The following NFATC4 variants were observed in gnomAD, a reference collection of about 807,000 sequenced individuals.
NFATC4 encodes nuclear factor of activated T cells 4, also known as nuclear factor of activated T-cells, cytoplasmic 4.
In NFATC4, 25 loss-of-function variants were observed where a neutral mutation model predicts 73.4. The ratio of observed to expected loss-of-function variants is 0.34; its 90% CI spans 0.25 to 0.48. The LOEUF is 0.48. Ranked by LOEUF, NFATC4 falls within the 20% of genes least tolerant of loss-of-function variation. NFATC4 has a pLI of 0.99. For missense variants in NFATC4, 1,130 were observed against 1,203.7 expected (o/e 0.94, Z 0.91); for synonymous variants, 523 against 510.3 (o/e 1.02, Z -0.34).
chr14:24,369,701 T>A lies in NFATC4; in HGVS notation c.303T>A (p.Gly101=). The part of the protein sequence containing the change: ...RSVRLGGPGG[G]AGGAGGGRVL... ...TGAGGCTGGGAGGACCAGGAGGGGG[T>A]GCTGGGGGTGCTGGGGGTGGCCGTG... Residue 101 remains glycine (G), a synonymous_variant, in exon 2 of 10, where the codon GGT becomes GGA. Coordinates refer to ENST00000250373, the MANE Select transcript of NFATC4 (RefSeq NM_004554.5). 1 of 1,609,066 alleles carries A rather than the reference T, an allele frequency of 6.2e-7. No individual in the cohort carries two copies.
chr14:24,372,794 C>A, intron 3 of NFATC4, 191 bp downstream of exon 3: 4 of 679,806 alleles, frequency 5.9e-6, no homozygotes, highest in Non-Finnish European at 9.9e-6. Flanking sequence ...TGTCCTTCCA[C>A]CCCCACTCAG....
At chr14:24,367,900 TG>T, upstream of NFATC4, 1 of 1,313,744 alleles carries the variant, frequency 7.6e-7, no homozygotes, top group Non-Finnish European at 9.7e-7. Flanking sequence ...CTAGGGGAGG[TG>T]GGGGCTGGGC....
upstream of NFATC4, chr14:24,367,450 C>T: frequency 6.5e-7 from 1 of 1,535,722 alleles, no homozygotes; most frequent in Middle Eastern, 1.8e-4. Context: ...ACAAGGGCAG[C>T]GGCAAAGCCT....
rs1175032155 is a variant in NFATC4 at position 24,376,735 on chromosome 14, A to G, written c.2498A>G (p.His833Arg). Reference protein sequence around the residue: ...EGPFPSQSDVHPLPAEGYNKV... With the variant: ...EGPFPSQSDVRPLPAEGYNKV... ...CCCTTCCCTTCCCAGAGTGATGTGC[A>G]TCCCCTACCTGCTGAGGGATACAAT... Residue 833 changes from histidine to arginine, a missense_variant, in exon 9 of 10, where the codon CAT (histidine) becomes CGT (arginine). His to Arg is a conservative substitution (Grantham distance 29). Coordinates refer to ENST00000250373, the MANE Select transcript of NFATC4 (RefSeq NM_004554.5). This position sits in a 1 kb window ranked among gnomAD's most constrained non-coding sequence, Gnocchi z 5.0. 1.2e-6 allele frequency: 2 copies of G among 1,613,738 alleles called. No individual in the cohort carries two copies. The highest frequency in any genetic ancestry group is 1.7e-6 in the Non-Finnish European group (2 of 1,179,966).
At position 24,369,791 on chromosome 14, in the gene NFATC4, G is replaced by C. The variant is rs1242397135; in HGVS notation, c.393G>C (p.Leu131=). The change falls in exon 2 of 10, where the codon CTG becomes CTC. Residue 131 remains leucine (L), a synonymous_variant. Transcript: ENST00000250373. ...CCACGCCGGAGCCGCCAGCAGCGCT[G>C]GAGGACAACCCTGATGCCTGGGGGG... ...ISPTPEPPAA[L]EDNPDAWGDG... is the part of the protein sequence containing the mutation. 6.3e-7 allele frequency: 1 copy of C among 1,596,712 alleles called. No homozygotes were observed. Among genetic ancestry groups the C allele is most frequent in the East Asian group, 2.3e-5 (1 of 43,978 alleles).
In NFATC4 at chr14:24,376,540, C is replaced by A; in HGVS notation, c.2303C>A (p.Thr768Asn). The A allele has an allele frequency of 6.2e-7, 1 of 1,614,026 alleles. No homozygotes were observed. Among genetic ancestry groups the A allele is most frequent in the Non-Finnish European group, 8.5e-7 (1 of 1,179,976 alleles). Residue 768 changes from threonine (T) to asparagine (N), a missense_variant, in exon 9 of 10, where the codon ACT becomes AAT. By Grantham distance (65) the Thr-to-Asn change is moderately conservative (BLOSUM62 0). Around this residue, in one of 3 missense-constraint regions of NFATC4, gnomAD observed 390 missense variants for 408.1 expected, o/e 0.96. Coordinates refer to ENST00000250373, the MANE Select transcript of NFATC4 (RefSeq NM_004554.5). The surrounding 1 kb of genome is among the most constrained non-coding windows in gnomAD (Gnocchi z 5.0). The part of the protein sequence containing the change: ...YRPGLRMFPE[T>N]RGTTGCAQPP... ...CCGGGCCTGCGGATGTTCCCTGAGA[C>A]TAGGGGTACCACAGGTTGTGCCCAA...
intron 3 of NFATC4, chr14:24,372,893 C>A: frequency 1.7e-6 from 1 of 596,804 alleles, no homozygotes; most frequent in Non-Finnish European, 2.9e-6. Flanking sequence ...GGACAAAAGT[C>A]ACTGGGAGTT....
At chr14:24,370,999 C>G (rs35881977) in intron 2 of NFATC4, among the ~76,000 whole-genome samples, 1 of 152,226 alleles carries the variant, frequency 6.6e-6, no homozygotes, top group Non-Finnish European at 1.5e-5. Flanking sequence ...GGTGCCAGAC[C>G]TAAGCAGATT....
chr14:24,369,330 C>T (rs888790845), intron 1 of NFATC4, 169 bp from the exon 2 acceptor site: 59 of 1,595,150 alleles, frequency 3.7e-5, no homozygotes, highest in Non-Finnish European at 4.9e-5. Context: ...CTTCAATCTC[C>T]TCCATCTTCC....
In NFATC4 at chr14:24,372,484, T is replaced by C; in HGVS notation, c.1240T>C (p.Tyr414His). The change falls in exon 3 of 10, where the codon TAT becomes CAT. Residue 414 changes from tyrosine (Y) to histidine (H), a missense_variant. Around this residue, in one of 3 missense-constraint regions of NFATC4, gnomAD observed 585 missense variants for 574.3 expected, o/e 1.02. Transcript: ENST00000250373. The stretch of plus-strand genomic sequence containing the variant: ...ACTGGACTGGCCTCTGCCCAGCCAA[T>C]ATGAGCAGCTGGAGCTGAGGATCGA... The part of the protein sequence containing the change: ...PPLDWPLPSQ[Y>H]EQLELRIEVQ... 1 of 1,613,764 alleles carries C rather than the reference T, an allele frequency of 6.2e-7. No homozygotes were observed. Among genetic ancestry groups the C allele is most frequent in the Non-Finnish European group, 8.5e-7 (1 of 1,179,998 alleles).
At position 24,373,952 on chromosome 14, in the gene NFATC4, C is replaced by T. The variant is rs1343116344; in HGVS notation, c.1732+85C>T. The T allele has an allele frequency of 6.4e-7, 1 of 1,554,032 alleles. No individual in the cohort carries two copies. Among genetic ancestry groups the T allele is most frequent in the African/African-American group, 1.4e-5 (1 of 73,482 alleles). Reference sequence around the variant, plus strand: ...TGTGTCTGTCTGCCCATTCCCTCTGCAGCGTCCTGTGCCCTGTCTGTCCTG... The same window carrying T: ...TGTGTCTGTCTGCCCATTCCCTCTGTAGCGTCCTGTGCCCTGTCTGTCCTG... On this transcript the variant is annotated intron_variant, in intron 5 of 9. Transcript: ENST00000250373. The surrounding 1 kb of genome is among the most constrained non-coding windows in gnomAD (Gnocchi z 4.7).
intron 6 of NFATC4, chr14:24,374,675 A>C: frequency 2.0e-6 from 1 of 512,348 alleles, no homozygotes; most frequent in Non-Finnish European, 3.5e-6. Flanking sequence ...ATGCTGAACA[A>C]ATGGAAGCAA....
chr14:24,372,711 C>A, intron 3 of NFATC4, 108 bp downstream of exon 3: 1 of 1,415,928 alleles, frequency 7.1e-7, no homozygotes, highest in East Asian at 2.4e-5. Flanking sequence ...AGCTCTGACC[C>A]TGCAGGCAGC....
Position 24,376,917 on chromosome 14 carries a change from C to T in NFATC4, c.2641+39C>T, listed in dbSNP as rs774850959. 11 of 1,492,196 alleles carry T rather than the reference C, an allele frequency of 7.4e-6. No homozygotes were observed. Among genetic ancestry groups the T allele is most frequent in the Non-Finnish European group, 9.8e-6 (11 of 1,123,144 alleles). The allele number at this position is 1,492,196 out of a possible 1,614,324, so 92.4% of individuals were successfully genotyped here. On this transcript the variant is annotated intron_variant, in intron 9 of 9. Transcript: ENST00000250373. The surrounding 1 kb of genome is among the most constrained non-coding windows in gnomAD (Gnocchi z 5.0). ...TGGGGGCTGTGAGTGTGAGTGTGTG[C>T]AAGAGATTGCTCTGCATGTTTGCTG...
intron 1 of NFATC4, chr14:24,369,239 T>C: frequency 6.5e-7 from 1 of 1,536,676 alleles, no homozygotes; most frequent in Non-Finnish European, 8.7e-7. Flanking sequence ...TGGACCCACC[T>C]CTCTCACCTT....
In NFATC4 at chr14:24,372,476, C is replaced by G; in HGVS notation, c.1232C>G (p.Pro411Arg). The part of the protein sequence containing the change: ...SALPPLDWPL[P>R]SQYEQLELRI... ...CTACCCCCACTGGACTGGCCTCTGC[C>G]CAGCCAATATGAGCAGCTGGAGCTG... Residue 411 changes from proline (P) to arginine (R), a missense_variant, in exon 3 of 10, where the codon CCC becomes CGC. By Grantham distance (103) the Pro-to-Arg change is moderately radical (BLOSUM62 -2). This residue lies in a region of NFATC4 where 585 missense variants were observed against 574.3 expected (regional missense o/e 1.02). Transcript: ENST00000250373. 1 of 1,614,010 alleles carries G rather than the reference C, an allele frequency of 6.2e-7. No individual in the cohort carries two copies. The highest frequency in any genetic ancestry group is 8.5e-7 in the Non-Finnish European group (1 of 1,180,032).
In NFATC4 at chr14:24,377,525, G is replaced by A. The variant is rs949899700; in HGVS notation, c.2642-113G>A. The stretch of plus-strand genomic sequence containing the variant: ...CAGTGGAATAGAAGCCAGTAGAGGA[G>A]GAATCTAGAGGCCTCCTAGATTAAG... On this transcript the variant is annotated intron_variant, in intron 9 of 9. Transcript: ENST00000250373. The surrounding 1 kb of genome is among the most constrained non-coding windows in gnomAD (Gnocchi z 4.2). The A allele has an allele frequency of 2.6e-6, 4 of 1,544,458 alleles. 1 individual carries two copies. In the Admixed American group the frequency reaches 5.9e-5, roughly 23 times the overall value.
Position 24,378,705 on chromosome 14 carries a change from T to C in NFATC4, c.*1000T>C, listed in dbSNP as rs2042694950. On this transcript the variant is annotated 3_prime_UTR_variant, in exon 10 of 10. Coordinates refer to ENST00000250373, the MANE Select transcript of NFATC4 (RefSeq NM_004554.5). The stretch of plus-strand genomic sequence containing the variant: ...GAGGTAGACTGCAGAAAGCAAACAG[T>C]CTACCCAGCAGCTCTGAATGTCACC... 6.6e-6 allele frequency: 1 copy of C among 152,236 alleles called. No individual in the cohort carries two copies. The highest frequency in any genetic ancestry group is 1.5e-5 in the Non-Finnish European group (1 of 68,056). 9.4% of individuals were successfully genotyped at this position (152,236 alleles called of 1,614,324 possible).
intron 1 of NFATC4, chr14:24,368,954 C>G (rs1468968298): frequency 7.0e-6 from 6 of 853,204 alleles, no homozygotes; most frequent in Admixed American, 1.0e-4. Flanking sequence ...CCCGCTGCCC[C>G]CCTTCCCCCG....
Sources: gnomAD v4.1 joint callset for allele counts (sites outside exome capture counted in the v4.1 genomes callset) on GRCh38, gnomAD v4.1.1 for gene constraint, gnomAD v4.1.1 regional missense constraint, Gnocchi (gnomAD v3.1) non-coding constraint, MANE v1.5 for transcripts, NCBI Gene and HGNC (gene_info 2026-07-23, HGNC 2026-07-21) for gene names.